The following TDRD5 variants were observed in gnomAD, a reference collection of about 807,000 sequenced individuals.
The protein encoded by TDRD5 is tudor domain containing 5.
A neutral mutation model predicts 120.6 loss-of-function variants in TDRD5; 41 were observed. The ratio of observed to expected loss-of-function variants is 0.34; its 90% CI spans 0.26 to 0.44. TDRD5 has a LOEUF of 0.44. TDRD5 is among the 20% of genes least tolerant of loss of function. TDRD5 has a pLI of 1.00. For missense variants in TDRD5, 1,006 were observed against 1,221.2 expected (o/e 0.82, Z 2.63); for synonymous variants, 430 against 433.7 (o/e 0.99, Z 0.11).
intron 7 of TDRD5, among the ~76,000 whole-genome samples, chr1:179,632,821 A>G (rs1677536267): frequency 6.6e-6 from 1 of 152,248 alleles, no homozygotes; most frequent in Non-Finnish European, 1.5e-5. Flanking sequence ...TAAACCCATC[A>G]TAAGTAGACA....
intron 6 of TDRD5, among the ~76,000 whole-genome samples, chr1:179,626,985 C>A (rs557625097): frequency 6.6e-6 from 1 of 152,026 alleles, no homozygotes; most frequent in African/African-American, 2.4e-5. Flanking sequence ...TATCAAATTT[C>A]TGGACTTAAA....
chr1:179,593,545 G>A lies in TDRD5; in HGVS notation c.318G>A (p.Lys106=), dbSNP rs371196961. ...ATAAGCTTCGAAACTCAATGCATAA[G>A]GGAAGACCTAGTATTTATTCTGGAC... ...SSHKLRNSMH[K]GRPSIYSGPR... The change falls in exon 3 of 18, where the codon AAG becomes AAA. Residue 106 remains lysine, a synonymous_variant. Coordinates refer to ENST00000444136, the MANE Select transcript of TDRD5 (RefSeq NM_001199085.3). 4.3e-6 allele frequency: 7 copies of A among 1,614,212 alleles called. No individual in the cohort carries two copies. Among genetic ancestry groups the A allele is most frequent in the South Asian group, 1.1e-5 (1 of 91,082 alleles).
At chr1:179,663,081 G>GA (rs34396243) in intron 15 of TDRD5, among the ~76,000 whole-genome samples, 6 of 151,914 alleles carry the variant, frequency 3.9e-5, no homozygotes, top group Non-Finnish European at 8.8e-5. Context: ...AGGTGATCAT[G>GA]AAAAAAATCA....
At chr1:179,684,680 C>T (rs1572446579) in intron 17 of TDRD5, among the ~76,000 whole-genome samples, 1 of 152,308 alleles carries the variant, frequency 6.6e-6, no homozygotes. Flanking sequence ...AAAAAGTGTT[C>T]CTATTTCTCC....
intron 16 of TDRD5, among the ~76,000 whole-genome samples, chr1:179,666,201 C>T (rs1679545747): frequency 6.6e-6 from 1 of 152,168 alleles, no homozygotes; most frequent in Admixed American, 6.6e-5. Context: ...TAAGCAGTTT[C>T]TTGTGTATCC....
chr1:179,658,592 A>G (rs1456231904), intron 14 of TDRD5, among the ~76,000 whole-genome samples: 1 of 152,122 alleles, frequency 6.6e-6, no homozygotes, highest in Non-Finnish European at 1.5e-5. Flanking sequence ...GTATTCCCTT[A>G]TTATCCTTTT....
At chr1:179,689,290 A>T (rs1680965569) in intron 17 of TDRD5, among the ~76,000 whole-genome samples, 1 of 152,336 alleles carries the variant, frequency 6.6e-6, no homozygotes, top group South Asian at 2.1e-4. Flanking sequence ...CCTCAGCTGC[A>T]GGTCTGTTGG....
intron 17 of TDRD5, among the ~76,000 whole-genome samples, chr1:179,685,205 T>G: frequency 6.6e-6 from 1 of 152,352 alleles, no homozygotes; most frequent in Admixed American, 6.5e-5. Flanking sequence ...TAATCCATCT[T>G]GAATTAGTTT....
At chr1:179,664,964 C>T (rs780241725) in intron 16 of TDRD5, among the ~76,000 whole-genome samples, 1 of 152,014 alleles carries the variant, frequency 6.6e-6, no homozygotes, top group Non-Finnish European at 1.5e-5. Context: ...CACTTATTGC[C>T]TGTTCTTTTG....
chr1:179,655,250 C>T (rs1328028817), intron 14 of TDRD5, among the ~76,000 whole-genome samples: 2 of 152,158 alleles, frequency 1.3e-5, no homozygotes, highest in Non-Finnish European at 2.9e-5. Flanking sequence ...TTACCACCAC[C>T]ACACACAAAC....
At chr1:179,660,140 A>G (rs985488748) in intron 14 of TDRD5, among the ~76,000 whole-genome samples, 1 of 146,840 alleles carries the variant, frequency 6.8e-6, no homozygotes, top group Non-Finnish European at 1.5e-5. Context: ...ATTTTCATTC[A>G]TCTGCCTCCT....
chr1:179,615,293 ATGAG>A (rs141101457), intron 4 of TDRD5, among the ~76,000 whole-genome samples: 2,851 of 152,260 alleles, frequency 0.019, 68 homozygotes, highest in African/African-American at 0.064. Context: ...TATTTGTTGA[ATGAG>A]TAAGTGGGTA....
intron 17 of TDRD5, among the ~76,000 whole-genome samples, chr1:179,681,763 C>A (rs903250916): frequency 6.7e-6 from 1 of 148,950 alleles, no homozygotes; most frequent in African/African-American, 2.5e-5. Flanking sequence ...CCCTTCGCCC[C>A]GTTTTCTTGT....
intron 4 of TDRD5, among the ~76,000 whole-genome samples, chr1:179,611,992 CA>C (rs954952473): frequency 2.0e-5 from 3 of 152,120 alleles, no homozygotes; most frequent in Non-Finnish European, 4.4e-5. Context: ...ATCCTATTTA[CA>C]AAAAGTGCAA....
In TDRD5 at chr1:179,598,412, G is replaced by A. The variant is rs190277706; in HGVS notation, c.831+2594G>A. Among the ~76,000 whole-genome samples the A allele has an allele frequency of 6.1e-3, 928 of 152,264 alleles. 17 individuals are homozygous for A. Among genetic ancestry groups the A allele is most frequent in the African/African-American group, 0.022 (896 of 41,560 alleles). ...GTTTCTGCCAGAAATAAATAAGATT[G>A]TGATCTTCATTAGAATCACATTGGA... On this transcript the variant is annotated intron_variant, in intron 4 of 17. Transcript: ENST00000444136.
intron 17 of TDRD5, among the ~76,000 whole-genome samples, chr1:179,670,989 G>A (rs1225151314): frequency 6.6e-6 from 1 of 152,232 alleles, no homozygotes; most frequent in East Asian, 1.9e-4. Flanking sequence ...AATTTTTGTA[G>A]TTTTAAGTCT....
chr1:179,662,723 A>G (rs1203172815), intron 15 of TDRD5, among the ~76,000 whole-genome samples: 3 of 152,250 alleles, frequency 2.0e-5, no homozygotes, highest in African/African-American at 7.2e-5. Flanking sequence ...TTCAAAGAAT[A>G]CATGATTTTA....
intron 17 of TDRD5, 32 bp downstream of exon 17, chr1:179,669,436 G>A: frequency 6.2e-7 from 1 of 1,610,172 alleles, no homozygotes; most frequent in South Asian, 1.1e-5. Flanking sequence ...CATGCTCACA[G>A]TTGACAAACA....
intron 17 of TDRD5, among the ~76,000 whole-genome samples, chr1:179,672,172 T>G (rs1436812518): frequency 6.6e-6 from 1 of 152,146 alleles, no homozygotes; most frequent in African/African-American, 2.4e-5. Flanking sequence ...AGATCTTAGC[T>G]CTTTAAGGAA....
Sources: allele counts gnomAD v4.1 joint callset (sites outside exome capture counted in the v4.1 genomes callset), GRCh38; gene constraint gnomAD v4.1.1; transcripts MANE v1.5; gene names NCBI Gene and HGNC (gene_info 2026-07-23, HGNC 2026-07-21).